The following GABRG2 variants were observed in gnomAD, a reference collection of about 807,000 sequenced individuals.
GABRG2 encodes the protein gamma-aminobutyric acid type A receptor subunit gamma2.
Under a neutral mutation model 56.4 loss-of-function variants are expected in GABRG2, and 16 were observed. That is an observed-to-expected ratio of 0.28 (90% CI 0.19 to 0.43). GABRG2 has a LOEUF of 0.43. Ranked by LOEUF, GABRG2 falls within the 20% of genes least tolerant of loss-of-function variation. GABRG2 has a pLI of 1.00. For synonymous variants in GABRG2, 208 were observed against 205.5 expected (o/e 1.01, Z -0.10); for missense variants, 327 against 582.7 (o/e 0.56, Z 4.52).
At chr5:162,095,465 G>A (rs761373268) in intron 2 of GABRG2, 30 bp from the exon 3 acceptor site, 1 of 1,403,856 alleles carries the variant, frequency 7.1e-7, no homozygotes, top group East Asian at 2.3e-5. Flanking sequence ...ACCTCTCTAT[G>A]TGCACACATT....
At chr5:162,096,376 G>T (rs1760995979) in intron 3 of GABRG2, among the ~76,000 whole-genome samples, 1 of 152,048 alleles carries the variant, frequency 6.6e-6, no homozygotes, top group Non-Finnish European at 1.5e-5. Flanking sequence ...GAACTTTCTT[G>T]TTTTAGGAAT....
intron 1 of GABRG2, among the ~76,000 whole-genome samples, chr5:162,070,608 T>C (rs1454859896): frequency 1.3e-5 from 2 of 151,992 alleles, no homozygotes; most frequent in African/African-American, 4.8e-5. Context: ...TGACAAAATT[T>C]ATTAGTCTAT....
chr5:162,106,801 A>G (rs1761862502), intron 6 of GABRG2, among the ~76,000 whole-genome samples: 1 of 151,822 alleles, frequency 6.6e-6, no homozygotes, highest in Non-Finnish European at 1.5e-5. Flanking sequence ...TTTTTTCTTT[A>G]AATTGATTCA....
intron 6 of GABRG2, among the ~76,000 whole-genome samples, chr5:162,135,361 A>G (rs2113559406): frequency 6.6e-6 from 1 of 152,250 alleles, no homozygotes; most frequent in Admixed American, 6.5e-5. Context: ...GCCAATGTTG[A>G]TCTCCACTTT....
intron 6 of GABRG2, chr5:162,128,447 C>T (rs1763489935): frequency 1.3e-5 from 2 of 151,938 alleles, no homozygotes; most frequent in Admixed American, 1.3e-4. Flanking sequence ...TAACAGCATG[C>T]CACAGCTCTT....
In GABRG2 at chr5:162,135,960, G is replaced by A. The variant is rs187953845; in HGVS notation, c.770-6204G>A. Among the ~76,000 whole-genome samples, 7 of 152,236 alleles carry A rather than the reference G, an allele frequency of 4.6e-5. No individual in the cohort carries two copies. In the East Asian group the frequency reaches 1.4e-3, roughly 29 times the overall value. The stretch of plus-strand genomic sequence containing the variant: ...TTTTAGTGTGACCTGATATCAATGG[G>A]CAATTATTGAAGAGTCTGGAGGTAT... On this transcript the variant is annotated intron_variant, in intron 6 of 9. Transcript: ENST00000639213.
chr5:162,131,567 A>T (rs1763760251), intron 6 of GABRG2, among the ~76,000 whole-genome samples: 2 of 152,102 alleles, frequency 1.3e-5, no homozygotes, highest in Admixed American at 6.6e-5. Context: ...AGGAATATTA[A>T]ACAAGGAATG....
intron 1 of GABRG2, among the ~76,000 whole-genome samples, chr5:162,074,464 A>G (rs1232566696): frequency 6.6e-6 from 1 of 152,056 alleles, no homozygotes; most frequent in Non-Finnish European, 1.5e-5. Context: ...CTGTAAAGCC[A>G]AAGTCTACCT....
At position 162,067,892 on chromosome 5, in the gene GABRG2, C is replaced by A; in HGVS notation, c.-108C>A. 2 of 771,004 alleles carry A rather than the reference C, an allele frequency of 2.6e-6. No homozygotes were observed. Among genetic ancestry groups the A allele is most frequent in the South Asian group, 2.8e-5 (2 of 70,542 alleles). 47.8% of individuals were successfully genotyped at this position (771,004 alleles called of 1,614,324 possible). On this transcript the variant is annotated 5_prime_UTR_variant, in exon 1 of 10. Coordinates refer to ENST00000639213, the MANE Select transcript of GABRG2 (RefSeq NM_198904.4). ...TCCCCAGTGAAGGACCTACTAGAGGCAGGTGGGGGGAGCCACCATCAGATC... is the reference window on the plus strand; with the variant it reads ...TCCCCAGTGAAGGACCTACTAGAGGAAGGTGGGGGGAGCCACCATCAGATC...
intron 1 of GABRG2, chr5:162,083,715 T>A (rs1006884584): frequency 2.0e-5 from 3 of 153,338 alleles, no homozygotes; most frequent in Non-Finnish European, 4.4e-5. Flanking sequence ...AGATGAGGAG[T>A]GTTTTGATAT....
chr5:162,141,289 G>A (rs985379100), intron 6 of GABRG2, among the ~76,000 whole-genome samples: 10 of 152,024 alleles, frequency 6.6e-5, no homozygotes, highest in African/African-American at 2.4e-4. Context: ...CGCCCTCCTC[G>A]GCCTCCCAAA....
At chr5:162,115,328 C>G (rs529776625) in intron 6 of GABRG2, among the ~76,000 whole-genome samples, 1 of 152,262 alleles carries the variant, frequency 6.6e-6, no homozygotes, top group South Asian at 2.1e-4. Flanking sequence ...ATCTCTGTTA[C>G]GAAGCAAACA....
In GABRG2 at chr5:162,069,756, T is replaced by A. The variant is rs892614508; in HGVS notation, c.107+1650T>A. On this transcript the variant is annotated intron_variant, in intron 1 of 9. Coordinates refer to ENST00000639213, the MANE Select transcript of GABRG2 (RefSeq NM_198904.4). ...CAGTCTTATATGTAATACAATTTGG[T>A]GAAATCCTGAAAAAAGTAATTTTTT... 2.0e-5 allele frequency among the ~76,000 whole-genome samples: 3 copies of A among 152,194 alleles called. No homozygotes were observed. The East Asian group carries it at 5.8e-4, about 29-fold the overall frequency.
intron 8 of GABRG2, 72 bp downstream of exon 8, chr5:162,149,385 C>A (rs1765198246): frequency 4.2e-6 from 6 of 1,416,488 alleles, no homozygotes; most frequent in Non-Finnish European, 5.9e-6. Flanking sequence ...ATTAGCCTAT[C>A]TGCAGGCTAA....
intron 1 of GABRG2, 66 bp from the exon 2 acceptor site, chr5:162,093,761 TG>T: frequency 7.4e-7 from 1 of 1,356,674 alleles, no homozygotes; most frequent in Non-Finnish European, 1.1e-6. Flanking sequence ...TTTCCACTGG[TG>T]GTCTGTGGAT....
intron 6 of GABRG2, 119 bp downstream of exon 6, chr5:162,104,145 T>C: frequency 1.1e-6 from 1 of 912,682 alleles, no homozygotes; most frequent in South Asian, 1.4e-5. Context: ...TTAAATGAAG[T>C]GTTTTAACTT....
intron 6 of GABRG2, among the ~76,000 whole-genome samples, chr5:162,113,190 T>C (rs1028691889): frequency 6.6e-6 from 1 of 152,128 alleles, no homozygotes; most frequent in Non-Finnish European, 1.5e-5. Context: ...TACATCTGCC[T>C]AGGCCTCCCA....
At chr5:162,149,590 CCTT>C (rs776076670) in intron 8 of GABRG2, 1 of 748,594 alleles carries the variant, frequency 1.3e-6, no homozygotes, top group Admixed American at 1.7e-5. Context: ...AGAAATGTGA[CCTT>C]CTTCTTGTTG....
At position 162,153,631 on chromosome 5, in the gene GABRG2, T is replaced by G; in HGVS notation, c.*263T>G. 1 of 552,140 alleles carries G rather than the reference T, an allele frequency of 1.8e-6. No individual in the cohort carries two copies. The highest frequency in any genetic ancestry group is 3.3e-6 in the Non-Finnish European group (1 of 307,628). 34.2% of individuals were successfully genotyped at this position (552,140 alleles called of 1,614,324 possible). ...GCAAGAACATTCAAACCAAATAAGA[T>G]ATTTTTCAGCTACAGCAAATAAAAC... On this transcript the variant is annotated 3_prime_UTR_variant, in exon 10 of 10. Transcript: ENST00000639213.
Sources: allele counts gnomAD v4.1 joint callset (sites outside exome capture counted in the v4.1 genomes callset), GRCh38; gene constraint gnomAD v4.1.1; transcripts MANE v1.5; gene names NCBI Gene and HGNC (gene_info 2026-07-23, HGNC 2026-07-21).